GLMN: variants seen among roughly 807,000 people sequenced by gnomAD.
GLMN encodes glomulin.
GLMN carries 75 observed loss-of-function variants against 87.8 expected under a neutral mutation model. That is an observed-to-expected ratio of 0.85 (90% confidence interval 0.71 to 1.04). GLMN has a LOEUF of 1.04. GLMN is among the 50% of genes least tolerant of loss of function. The pLI is 0.00. For synonymous variants in GLMN, 206 were observed against 221.6 expected (o/e 0.93, Z 0.63); for missense variants, 588 against 658.8 (o/e 0.89, Z 1.18).
At chr1:92,265,574 G>C (rs1655538805) in intron 13 of GLMN, among the ~76,000 whole-genome samples, 3 of 152,144 alleles carry the variant, frequency 2.0e-5, no homozygotes, top group Non-Finnish European at 4.4e-5. Flanking sequence ...CCAGGAGTTT[G>C]AGACCAGCCT....
the GLMN span, among the ~76,000 whole-genome samples, chr1:92,338,648 ATTT>A: frequency 1.3e-4 from 18 of 142,654 alleles, no homozygotes; most frequent in Non-Finnish European, 1.2e-4. Flanking sequence ...CTGATCATTG[ATTT>A]TTTTTTTTTT....
chr1:92,259,732 CTTT>C (rs58390058), intron 16 of GLMN, among the ~76,000 whole-genome samples: 1 of 108,192 alleles, frequency 9.2e-6, no homozygotes, highest in African/African-American at 3.4e-5. Flanking sequence ...TTTTTTCTTT[CTTT>C]TTTTTTTTTT....
chr1:92,330,547 G>T, the GLMN span, among the ~76,000 whole-genome samples: 1 of 144,554 alleles, frequency 6.9e-6, no homozygotes, highest in Non-Finnish European at 1.5e-5. Flanking sequence ...TCCTGGGTTC[G>T]AGCGATTTTC....
Position 92,247,746 on chromosome 1 carries a change from TAAATA to T in GLMN, c.1585+127_1585+131del, listed in dbSNP as rs1324274344. The T allele has an allele frequency of 6.5e-6, 4 of 620,082 alleles. No individual in the cohort carries two copies. In the African/African-American group the frequency reaches 7.4e-5, roughly 11 times the overall value. The allele number at this position is 620,082 out of a possible 1,614,324, so 38.4% of individuals were successfully genotyped here. A position where few individuals can be genotyped will look rare whatever the true frequency, so the allele number is the denominator to read the frequency against. On this transcript the variant is annotated intron_variant, in intron 17 of 18. Coordinates refer to ENST00000370360, the MANE Select transcript of GLMN (RefSeq NM_053274.3). ...ATAGATCTGCTAAGAATTTTAACTATAAATAAAATGGCTTAGCTGTTATGGTCTCT... is the reference window on the plus strand; with the variant it reads ...ATAGATCTGCTAAGAATTTTAACTATAAATGGCTTAGCTGTTATGGTCTCT...
At chr1:92,304,237 T>C in the GLMN span, 2 of 1,284,782 alleles carry the variant, frequency 1.6e-6, no homozygotes, top group Non-Finnish European at 2.2e-6. Context: ...ATAACGTTCA[T>C]GTTTATTATT....
the GLMN span, among the ~76,000 whole-genome samples, chr1:92,355,877 T>G: frequency 9.2e-5 from 14 of 152,250 alleles, 1 homozygote; most frequent in Middle Eastern, 0.01. Flanking sequence ...ACAGTTCTGG[T>G]CCCAAGCATT....
intron 5 of GLMN, among the ~76,000 whole-genome samples, 178 bp downstream of exon 5, chr1:92,290,020 A>C (rs577569376): frequency 5.3e-5 from 8 of 152,324 alleles, no homozygotes; most frequent in African/African-American, 1.9e-4. Flanking sequence ...CTCTGGCCAG[A>C]TACTATAATC....
At chr1:92,368,099 A>G in the GLMN span, among the ~76,000 whole-genome samples, 1 of 152,272 alleles carries the variant, frequency 6.6e-6, no homozygotes, top group South Asian at 2.1e-4. Flanking sequence ...GAGCAAGACA[A>G]TAGGGACCAG....
intron 7 of GLMN, among the ~76,000 whole-genome samples, chr1:92,279,327 G>C (rs1244809590): frequency 6.6e-6 from 1 of 151,674 alleles, no homozygotes; most frequent in Non-Finnish European, 1.5e-5. Flanking sequence ...TGTGGTGGCG[G>C]GTGCCTGTAA....
At chr1:92,270,869 C>T (rs1383340652) in intron 8 of GLMN, among the ~76,000 whole-genome samples, 1 of 151,940 alleles carries the variant, frequency 6.6e-6, no homozygotes, top group Non-Finnish European at 1.5e-5. Flanking sequence ...AAACTAGAAA[C>T]AAAAGAAGGT....
At chr1:92,274,623 T>A (rs969661952) in intron 7 of GLMN, among the ~76,000 whole-genome samples, 1 of 152,148 alleles carries the variant, frequency 6.6e-6, no homozygotes. Context: ...AATTTATTTT[T>A]CAATCAAGCA....
At chr1:92,342,890 A>G in the GLMN span, among the ~76,000 whole-genome samples, 3 of 152,272 alleles carry the variant, frequency 2.0e-5, no homozygotes, top group East Asian at 3.9e-4. Context: ...GAGGAGCCCA[A>G]TTTTGGCTCT....
intron 8 of GLMN, among the ~76,000 whole-genome samples, chr1:92,270,140 G>A (rs965996472): frequency 6.6e-6 from 1 of 152,204 alleles, no homozygotes; most frequent in Admixed American, 6.5e-5. Context: ...AGCCAGGAGA[G>A]AGGCATGGAG....
At chr1:92,322,792 G>A in the GLMN span, among the ~76,000 whole-genome samples, 3 of 151,198 alleles carry the variant, frequency 2.0e-5, no homozygotes, top group Middle Eastern at 3.2e-3. Flanking sequence ...TGGGAGAATC[G>A]CTTGAACCTA....
Position 92,297,965 on chromosome 1 carries a change from C to T in GLMN, c.35G>A (p.Arg12Lys), listed in dbSNP as rs773446747. 9 of 1,418,020 alleles carry T rather than the reference C, an allele frequency of 6.3e-6. No homozygotes were observed. The East Asian group carries it at 1.8e-4, about 29-fold the overall frequency. The allele number at this position is 1,418,020 out of a possible 1,614,324, so 87.8% of individuals were successfully genotyped here. ...AVEELQSIIKRCQILEEQDFK... is the reference protein window; with the variant it reads ...AVEELQSIIKKCQILEEQDFK... ...TTTACAAAAATTAATACTTACACAT[C>T]TCTTTATTATAGACTGAAGTTCCTC... Residue 12 changes from arginine (R) to lysine (K), a missense_variant, in exon 2 of 19, where the codon AGA becomes AAA. By Grantham distance (26) the Arg-to-Lys change is conservative. Coordinates refer to ENST00000370360, the MANE Select transcript of GLMN (RefSeq NM_053274.3).
At chr1:92,282,478 A>T (rs913971476) in intron 7 of GLMN, among the ~76,000 whole-genome samples, 6 of 152,292 alleles carry the variant, frequency 3.9e-5, no homozygotes, top group Non-Finnish European at 8.8e-5. Flanking sequence ...TAAAGCAGTG[A>T]GTAGAGGGAA....
At chr1:92,346,942 G>C in the GLMN span, among the ~76,000 whole-genome samples, 2 of 152,096 alleles carry the variant, frequency 1.3e-5, no homozygotes, top group Admixed American at 6.5e-5. Flanking sequence ...ACACTCACAG[G>C]TCAAAAAGTG....
chr1:92,282,019 A>AGTG (rs1489665047), intron 7 of GLMN, among the ~76,000 whole-genome samples: 1 of 152,202 alleles, frequency 6.6e-6, no homozygotes. Context: ...CCACACGATA[A>AGTG]TAATGGGAGA....
At chr1:92,365,025 A>G in the GLMN span, among the ~76,000 whole-genome samples, 24 of 152,208 alleles carry the variant, frequency 1.6e-4, no homozygotes, top group Non-Finnish European at 2.9e-4. Context: ...TTCCCCCACA[A>G]TCATCTTCAA....
Sources: gnomAD v4.1 joint callset for allele counts (sites outside exome capture counted in the v4.1 genomes callset) on GRCh38, gnomAD v4.1.1 for gene constraint, MANE v1.5 for transcripts, NCBI Gene and HGNC (gene_info 2026-07-23, HGNC 2026-07-21) for gene names.